Variants in PRCP observed in about 807,000 individuals in gnomAD.
The protein encoded by PRCP is lysosomal Pro-X carboxypeptidase.
In PRCP, 46 loss-of-function variants were observed where a neutral mutation model predicts 54.2. The observed-to-expected ratio is 0.85, with a 90% confidence interval of 0.67 to 1.09. PRCP has a LOEUF of 1.09. PRCP is among the 50% of genes least tolerant of loss of function. The pLI is 0.00. For missense variants in PRCP, 613 were observed against 596.8 expected, an observed-to-expected ratio of 1.03 and a Z score of -0.28; for synonymous variants, 240 against 212.2, an observed-to-expected ratio of 1.13 and a Z score of -1.14.
chr11:82,899,662 A>G (rs1860206320), intron 1 of PRCP, among the ~76,000 whole-genome samples: 1 of 151,932 alleles, frequency 6.6e-6, no homozygotes, highest in Non-Finnish European at 1.5e-5. Context: ...ACAAACTCCT[A>G]CAACTCCTTT....
At chr11:82,880,181 G>A (rs938997177) in intron 1 of PRCP, among the ~76,000 whole-genome samples, 3 of 152,192 alleles carry the variant, frequency 2.0e-5, no homozygotes, top group African/African-American at 7.2e-5. Flanking sequence ...AGCTGCAGTG[G>A]GCTCCACCCA....
chr11:82,831,821 T>TCCC (rs1858391524), intron 8 of PRCP, among the ~76,000 whole-genome samples: 1 of 152,112 alleles, frequency 6.6e-6, no homozygotes, highest in Non-Finnish European at 1.5e-5. Flanking sequence ...GCTGCAGGCA[T>TCCC]CAACCTGTCA....
At chr11:82,873,079 TAA>T (rs397960059) in intron 1 of PRCP, among the ~76,000 whole-genome samples, 24,421 of 147,432 alleles carry the variant, frequency 0.17, 2,022 homozygotes, top group Middle Eastern at 0.21. Context: ...TTTTTTTTTT[TAA>T]AAAAAAAGAA....
chr11:82,879,168 A>G (rs1052362034), intron 1 of PRCP, among the ~76,000 whole-genome samples: 1 of 152,216 alleles, frequency 6.6e-6, no homozygotes, highest in African/African-American at 2.4e-5. Context: ...TTTCAGGTAC[A>G]CCAATCAGAC....
intron 6 of PRCP, among the ~76,000 whole-genome samples, chr11:82,841,022 T>C (rs1858649979): frequency 1.2e-5 from 1 of 84,760 alleles, no homozygotes; most frequent in Non-Finnish European, 2.5e-5. Context: ...TCTGGTCCTT[T>C]TCCATTTCAT....
chr11:82,843,362 A>C (rs1858722330), intron 6 of PRCP: 1 of 152,212 alleles, frequency 6.6e-6, no homozygotes, highest in African/African-American at 2.4e-5. Flanking sequence ...TACTTTTATC[A>C]AATAACTGTA....
chr11:82,841,266 G>A (rs34767305), intron 6 of PRCP, among the ~76,000 whole-genome samples: 45,657 of 143,544 alleles, frequency 0.32, 7,741 homozygotes, highest in African/African-American at 0.41. Context: ...CTGCCAGCGG[G>A]GGAAAAAAAA....
rs143545351 is a variant in PRCP at position 82,885,809 on chromosome 11, A to G, written c.168+14426T>C. Among the ~76,000 whole-genome samples the G allele has an allele frequency of 1.6e-3, 246 of 152,324 alleles. 1 individual carries two copies. Among genetic ancestry groups the G allele is most frequent in the Middle Eastern group, 0.01 (3 of 294 alleles). On this transcript the variant is annotated intron_variant, in intron 1 of 8. Transcript: ENST00000313010. ...CAAACTCTATAACTTATTCCAAGCC[A>G]AATTTTATACTCAAGTTGTTGGGAA...
chr11:82,896,593 C>G (rs1389012580), intron 1 of PRCP, among the ~76,000 whole-genome samples: 2 of 145,930 alleles, frequency 1.4e-5, no homozygotes, highest in Non-Finnish European at 3.0e-5. Flanking sequence ...GCAGGGGAAT[C>G]ACTTGAACCC....
At chr11:82,829,705 C>G (rs562899476) in intron 8 of PRCP, 152 of 152,220 alleles carry the variant, frequency 1.0e-3, no homozygotes, top group African/African-American at 3.6e-3. Flanking sequence ...TTGTTTATTT[C>G]TACATCTCCA....
At chr11:82,840,711 C>A (rs952581888) in intron 6 of PRCP, 1 of 151,926 alleles carries the variant, frequency 6.6e-6, no homozygotes, top group African/African-American at 2.4e-5. Context: ...AATTATTAAG[C>A]CTTGGGTTTC....
At chr11:82,853,670 T>C (rs957678340) in intron 2 of PRCP, among the ~76,000 whole-genome samples, 1 of 152,136 alleles carries the variant, frequency 6.6e-6, no homozygotes, top group African/African-American at 2.4e-5. Context: ...GAAGCTAGCA[T>C]CATTATGATA....
intron 8 of PRCP, chr11:82,828,602 G>A (rs1449700987): frequency 6.6e-6 from 1 of 152,098 alleles, no homozygotes; most frequent in African/African-American, 2.4e-5. Context: ...TGGTTACAAA[G>A]CCTGAAATAA....
chr11:82,859,064 G>A (rs936581369), intron 2 of PRCP, among the ~76,000 whole-genome samples: 1 of 152,170 alleles, frequency 6.6e-6, no homozygotes, highest in Admixed American at 6.5e-5. Flanking sequence ...TGGCATTAGG[G>A]ATAATACATA....
At chr11:82,877,621 G>T (rs920517752) in intron 1 of PRCP, among the ~76,000 whole-genome samples, 1 of 152,220 alleles carries the variant, frequency 6.6e-6, no homozygotes, top group Non-Finnish European at 1.5e-5. Flanking sequence ...GCTTCCACAT[G>T]GTGTTGAGCC....
At chr11:82,895,483 C>G (rs1020063932) in intron 1 of PRCP, among the ~76,000 whole-genome samples, 1 of 152,108 alleles carries the variant, frequency 6.6e-6, no homozygotes, top group African/African-American at 2.4e-5. Flanking sequence ...GTGCTTTTAA[C>G]CACCCTCCTG....
Position 82,884,682 on chromosome 11 carries a change from G to A in PRCP, c.168+15553C>T, listed in dbSNP as rs1859825654. ...TTCCCTCCTTCTGAAGACCACAAATGTTCTGATGTAGTGGAAAAAGAAGAG... is the reference window on the plus strand; with the variant it reads ...TTCCCTCCTTCTGAAGACCACAAATATTCTGATGTAGTGGAAAAAGAAGAG... On this transcript the variant is annotated intron_variant, in intron 1 of 8. Coordinates refer to ENST00000313010, the MANE Select transcript of PRCP (RefSeq NM_005040.4). The A allele has an allele frequency of 4.9e-6, 6 of 1,228,584 alleles. No homozygotes were observed. In the African/African-American group the frequency reaches 7.6e-5, roughly 16 times the overall value. The allele number at this position is 1,228,584 out of a possible 1,614,324, so 76.1% of individuals were successfully genotyped here.
intron 1 of PRCP, among the ~76,000 whole-genome samples, chr11:82,892,635 T>C (rs758141382): frequency 6.6e-6 from 1 of 152,218 alleles, no homozygotes; most frequent in Non-Finnish European, 1.5e-5. Context: ...ATGGTATCAA[T>C]AAATAAGTTC....
At chr11:82,864,302 T>A (rs750340371) in intron 1 of PRCP, among the ~76,000 whole-genome samples, 1 of 152,374 alleles carries the variant, frequency 6.6e-6, no homozygotes, top group Middle Eastern at 3.4e-3. Context: ...GGCTCCTTCC[T>A]ATCATCAAGG....
Sources: allele counts gnomAD v4.1 joint callset (sites outside exome capture counted in the v4.1 genomes callset), GRCh38; gene constraint gnomAD v4.1.1; transcripts MANE v1.5; gene names NCBI Gene and HGNC (gene_info 2026-07-23, HGNC 2026-07-21).